Variants in FBXO22 observed in about 807,000 individuals in gnomAD.
The protein encoded by FBXO22 is F-box only protein 22.
A neutral mutation model predicts 37.2 loss-of-function variants in FBXO22; 13 were observed. The ratio of observed to expected loss-of-function variants is 0.35; its 90% CI spans 0.23 to 0.56. The LOEUF (loss-of-function observed/expected upper bound fraction) is 0.56, where lower values mean the gene tolerates loss of function less well. FBXO22 is among the 20% of genes least tolerant of loss of function. The pLI is 0.87. For missense variants in FBXO22, 446 were observed against 509.9 expected, an observed-to-expected ratio of 0.87 and a Z score of 1.21; for synonymous variants, 189 against 189.1, an observed-to-expected ratio of 1.00 and a Z score of 0.00.
chr15:75,934,008 C>G lies in FBXO22; in HGVS notation c.*906C>G, dbSNP rs12441092. 3.9e-3 allele frequency: 600 copies of G among 153,436 alleles called. 2 individuals carry two copies. Among genetic ancestry groups the G allele is most frequent in the Non-Finnish European group, 4.8e-3 (333 of 68,786 alleles). 9.5% of individuals were successfully genotyped at this position (153,436 alleles called of 1,614,324 possible). On this transcript the variant is annotated 3_prime_UTR_variant, in exon 7 of 7. Coordinates refer to ENST00000308275, the MANE Select transcript of FBXO22 (RefSeq NM_147188.3). ...CTAAATAAGAGATGTGCAGAGAGCA[C>G]CAATTTTCCTTCAATATCCATTCTT...
At chr15:75,927,640 A>C (rs1900472478) in intron 5 of FBXO22, among the ~76,000 whole-genome samples, 1 of 152,236 alleles carries the variant, frequency 6.6e-6, no homozygotes, top group African/African-American at 2.4e-5. Flanking sequence ...CTAGTCTATA[A>C]GGGAAAAAAG....
intron 5 of FBXO22, 69 bp downstream of exon 5, chr15:75,917,463 C>A: frequency 8.5e-7 from 1 of 1,182,262 alleles, no homozygotes; most frequent in Non-Finnish European, 1.2e-6. Flanking sequence ...TTAATTCTGG[C>A]TAGTTGGTGG....
intron 5 of FBXO22, among the ~76,000 whole-genome samples, chr15:75,920,155 T>C (rs1342610068): frequency 6.6e-6 from 1 of 152,254 alleles, no homozygotes; most frequent in Non-Finnish European, 1.5e-5. Flanking sequence ...TGTGCTGAGC[T>C]TATGTGATTT....
chr15:75,932,753 C>A lies in FBXO22; in HGVS notation c.863C>A (p.Ala288Asp), dbSNP rs1402003941. The A allele has an allele frequency of 3.7e-6, 6 of 1,614,178 alleles. No individual in the cohort carries two copies. The highest frequency in any genetic ancestry group is 5.1e-6 in the Non-Finnish European group (6 of 1,179,998). ...TTTAGTGGACACCGAATCCAGAGTG[C>A]CACTGTGCTCCTCAACGAGGACGTC... ...LSFSGHRIQS[A>D]TVLLNEDVSD... The change falls in exon 7 of 7, where the codon GCC (alanine) becomes GAC (aspartate). Residue 288 changes from alanine (A) to aspartate (D), a missense_variant. Around this residue, in one of 2 missense-constraint regions of FBXO22, gnomAD observed 315 missense variants for 410.1 expected, o/e 0.77. Transcript: ENST00000308275.
intron 2 of FBXO22, among the ~76,000 whole-genome samples, chr15:75,909,321 A>T (rs1173017120): frequency 6.6e-6 from 1 of 152,184 alleles, no homozygotes; most frequent in Non-Finnish European, 1.5e-5. Flanking sequence ...TCTAGAGGGA[A>T]ACAGTCTTAA....
rs75847036 is a variant in FBXO22 at position 75,926,556 on chromosome 15, A to G, written c.629-3328A>G. On this transcript the variant is annotated intron_variant, in intron 5 of 6. Coordinates refer to ENST00000308275, the MANE Select transcript of FBXO22 (RefSeq NM_147188.3). ...CCAACCCACTAGAGAAGATGTTGAA[A>G]GAACACCACTGGAGAAGATGGTGTT... Among the ~76,000 whole-genome samples, 366 of 152,332 alleles carry G rather than the reference A, an allele frequency of 2.4e-3. 10 individuals carry two copies. In the East Asian group the frequency reaches 0.059, roughly 25 times the overall value.
Position 75,903,918 on chromosome 15 carries a change from G to T in FBXO22, c.-46G>T. 6.8e-7 allele frequency: 1 copy of T among 1,462,290 alleles called. No homozygotes were observed. The highest frequency in any genetic ancestry group is 1.4e-5 in the South Asian group (1 of 73,566). 90.6% of individuals were successfully genotyped at this position (1,462,290 alleles called of 1,614,324 possible). On this transcript the variant is annotated 5_prime_UTR_variant, in exon 1 of 7. Coordinates refer to ENST00000308275, the MANE Select transcript of FBXO22 (RefSeq NM_147188.3). ...GGCAACCCTATGCTGGCGTAATCGG[G>T]TTCCTCCGAGCCGCCGTAGGACTGG...
Position 75,913,214 on chromosome 15 carries a change from C to T in FBXO22, c.291C>T (p.Ile97=). 1 of 1,606,692 alleles carries T rather than the reference C, an allele frequency of 6.2e-7. No individual in the cohort carries two copies. Among genetic ancestry groups the T allele is most frequent in the Non-Finnish European group, 8.5e-7 (1 of 1,177,660 alleles). ...TTTTTTCTTTGCAGAATGTTCGCAT[C>T]TTACCACATACAGTTCTTTACATGG... ...VVAEELENVR[I]LPHTVLYMAD... is the part of the protein sequence containing the mutation. Residue 97 remains isoleucine, a synonymous_variant, in exon 3 of 7, where the codon ATC becomes ATT. Coordinates refer to ENST00000308275, the MANE Select transcript of FBXO22 (RefSeq NM_147188.3).
At chr15:75,927,589 T>A (rs1900470902) in intron 5 of FBXO22, among the ~76,000 whole-genome samples, 1 of 152,182 alleles carries the variant, frequency 6.6e-6, no homozygotes, top group African/African-American at 2.4e-5. Context: ...TCTGAAACTT[T>A]GTTCTAAAGA....
Position 75,917,310 on chromosome 15 carries a change from A to G in FBXO22, c.544A>G (p.Ile182Val), listed in dbSNP as rs750298256. 3.1e-6 allele frequency: 5 copies of G among 1,605,646 alleles called. No homozygotes were observed. The Admixed American group carries it at 8.4e-5, about 27-fold the overall frequency. Residue 182 changes from isoleucine to valine, a missense_variant, in exon 5 of 7, where the codon ATT becomes GTT. Around this residue, in one of 2 missense-constraint regions of FBXO22, gnomAD observed 315 missense variants for 410.1 expected, o/e 0.77. Transcript: ENST00000308275. ...ESGFALLFPQ[I>V]EGIKIQPFHF... ...TGGTTTTGCTTTATTATTCCCTCAAATTGAAGGAATAAAAATACAACCCTT... is the reference window on the plus strand; with the variant it reads ...TGGTTTTGCTTTATTATTCCCTCAAGTTGAAGGAATAAAAATACAACCCTT...
chr15:75,921,583 C>T (rs335693), intron 5 of FBXO22, among the ~76,000 whole-genome samples: 140,474 of 152,066 alleles, frequency 0.92, 65,458 homozygotes, highest in East Asian at 1. Context: ...ATCGCTTGAA[C>T]CTGGGAGGCA....
chr15:75,912,018 T>C (rs1450828158), intron 2 of FBXO22, among the ~76,000 whole-genome samples: 5 of 151,716 alleles, frequency 3.3e-5, no homozygotes, highest in Admixed American at 3.3e-4. Context: ...TCTATTGAGA[T>C]ACTCGTGGTT....
intron 1 of FBXO22, 69 bp downstream of exon 1, chr15:75,904,172 G>A: frequency 6.8e-7 from 1 of 1,471,080 alleles, no homozygotes; most frequent in East Asian, 2.5e-5. Context: ...AGGCTGGCGG[G>A]GTGGGGGGAG....
chr15:75,924,881 T>C (rs1900406747), intron 5 of FBXO22, among the ~76,000 whole-genome samples: 1 of 152,212 alleles, frequency 6.6e-6, no homozygotes, highest in African/African-American at 2.4e-5. Flanking sequence ...TCTCTTTTCC[T>C]TTTACAAATA....
chr15:75,904,870 C>CT (rs1452429764), intron 2 of FBXO22, among the ~76,000 whole-genome samples: 1 of 139,490 alleles, frequency 7.2e-6, no homozygotes, highest in East Asian at 2.2e-4. Flanking sequence ...GTGGCCCAGG[C>CT]TGGAGTGCAG....
chr15:75,912,834 C>G (rs1223298653), intron 2 of FBXO22, among the ~76,000 whole-genome samples: 1 of 152,134 alleles, frequency 6.6e-6, no homozygotes, highest in Non-Finnish European at 1.5e-5. Flanking sequence ...TCTTGCTTCT[C>G]TAGTTCTTTT....
At chr15:75,904,462 C>T (rs1471981121) in intron 1 of FBXO22, 29 bp from the exon 2 acceptor site, 2 of 1,613,026 alleles carry the variant, frequency 1.2e-6, no homozygotes, top group African/African-American at 1.3e-5. Context: ...AACGTCCGTT[C>T]GCAATCCTTT....
At chr15:75,904,895 C>G (rs1477181122) in intron 2 of FBXO22, among the ~76,000 whole-genome samples, 1 of 147,510 alleles carries the variant, frequency 6.8e-6, no homozygotes, top group Non-Finnish European at 1.5e-5. Context: ...GCGATCTCGG[C>G]TCACCGCAAG....
At chr15:75,925,007 T>C (rs1053866404) in intron 5 of FBXO22, among the ~76,000 whole-genome samples, 1 of 152,172 alleles carries the variant, frequency 6.6e-6, no homozygotes, top group Non-Finnish European at 1.5e-5. Context: ...AGCTTTCCTA[T>C]TGATTTTTAC....
Sources: gnomAD v4.1 joint callset for allele counts (sites outside exome capture counted in the v4.1 genomes callset) on GRCh38, gnomAD v4.1.1 for gene constraint, gnomAD v4.1.1 regional missense constraint, MANE v1.5 for transcripts, NCBI Gene and HGNC (gene_info 2026-07-23, HGNC 2026-07-21) for gene names.